Variants in KCTD18 observed in about 807,000 individuals in gnomAD.
KCTD18 encodes BTB/POZ domain-containing protein KCTD18.
A neutral mutation model predicts 30.4 loss-of-function variants in KCTD18; 22 were observed. That is an observed-to-expected ratio of 0.72 (90% CI 0.52 to 1.03). The LOEUF (loss-of-function observed/expected upper bound fraction) is 1.03. Ranked by LOEUF, KCTD18 falls within the 50% of genes least tolerant of loss-of-function variation. The pLI is 0.00. For synonymous variants in KCTD18, 186 were observed against 209.0 expected, an observed-to-expected ratio of 0.89 and a Z score of 0.95; for missense variants, 529 against 547.6, an observed-to-expected ratio of 0.97 and a Z score of 0.34.
At chr2:200,505,761 T>C (rs1413807967) in intron 2 of KCTD18, among the ~76,000 whole-genome samples, 4 of 152,130 alleles carry the variant, frequency 2.6e-5, no homozygotes, top group Admixed American at 6.5e-5. Context: ...ATTACTGGGT[T>C]AGTCCTTTTG....
intron 6 of KCTD18, among the ~76,000 whole-genome samples, 161 bp from the exon 7 acceptor site, chr2:200,490,777 G>T (rs1056525218): frequency 2.0e-5 from 3 of 152,116 alleles, no homozygotes; most frequent in Non-Finnish European, 4.4e-5. Flanking sequence ...TCCCACCAAG[G>T]TCAGTAAGCA....
In KCTD18 at chr2:200,501,749, A is replaced by G. The variant is rs1354497039; in HGVS notation, c.373-2665T>C. Among the ~76,000 whole-genome samples, 3 of 151,872 alleles carry G rather than the reference A, an allele frequency of 2.0e-5. No homozygotes were observed. In the East Asian group the frequency reaches 5.8e-4, roughly 29 times the overall value. On this transcript the variant is annotated intron_variant, in intron 3 of 6. Transcript: ENST00000359878. Reference sequence around the variant, plus strand: ...TGTGGCGATTCCTCAGGGATCTAGTATTAGAAATACCATTTGACCCAGCCA... The same window carrying G: ...TGTGGCGATTCCTCAGGGATCTAGTGTTAGAAATACCATTTGACCCAGCCA...
At chr2:200,495,568 A>C (rs901303191) in intron 5 of KCTD18, among the ~76,000 whole-genome samples, 1 of 152,208 alleles carries the variant, frequency 6.6e-6, no homozygotes, top group Non-Finnish European at 1.5e-5. Context: ...TACTCCTACC[A>C]GGAATGAATA....
At chr2:200,500,276 G>T (rs1251977306) in intron 3 of KCTD18, among the ~76,000 whole-genome samples, 2 of 147,402 alleles carry the variant, frequency 1.4e-5, no homozygotes, top group Non-Finnish European at 3.0e-5. Context: ...GGAAGTTCTG[G>T]CTAGGGCAAT....
intron 5 of KCTD18, among the ~76,000 whole-genome samples, chr2:200,493,487 G>A (rs1003590808): frequency 6.6e-6 from 1 of 152,230 alleles, no homozygotes; most frequent in Non-Finnish European, 1.5e-5. Flanking sequence ...CTGGCCACCA[G>A]CTTTGCCACT....
chr2:200,495,865 TTTTTG>T (rs2087990620), intron 5 of KCTD18: 1 of 152,166 alleles, frequency 6.6e-6, no homozygotes, highest in Non-Finnish European at 1.5e-5. Flanking sequence ...GTTTCTTGTT[TTTTTG>T]TTTTGTTTTG....
rs143113007 is a variant in KCTD18, at chr2:200,490,801, T to C, written c.765-185A>G. 1.2e-4 allele frequency among the ~76,000 whole-genome samples: 19 copies of C among 152,300 alleles called. No homozygotes were observed. The East Asian group carries it at 3.5e-3, about 28-fold the overall frequency. On this transcript the variant is annotated intron_variant, in intron 6 of 6. Transcript: ENST00000359878. ...GGTCAGTAAGCAAGTTTACAAAAGATTGGTCTTAATTTGAATACGAATTAT... is the reference window on the plus strand; with the variant it reads ...GGTCAGTAAGCAAGTTTACAAAAGACTGGTCTTAATTTGAATACGAATTAT...
Position 200,498,926 on chromosome 2 carries a change from C to CA in KCTD18, c.530dup (p.Gly179ArgfsTer10). The CA allele has an allele frequency of 6.2e-7, 1 of 1,613,912 alleles. No homozygotes were observed. The highest frequency in any genetic ancestry group is 8.5e-7 in the Non-Finnish European group (1 of 1,179,942). ...TGCCTTTGCTGTGAATTCTTCCTCCCAGCTGCTTTTCAATAGCGTCTGTTC... is the reference window on the plus strand; with the variant it reads ...TGCCTTTGCTGTGAATTCTTCCTCCCAAGCTGCTTTTCAATAGCGTCTGTTC... On this transcript the variant is annotated frameshift_variant, in exon 4 of 7. Coordinates refer to ENST00000359878, the MANE Select transcript of KCTD18 (RefSeq NM_152387.4). LOFTEE classifies it high-confidence loss of function.
chr2:200,489,003 G>C lies in KCTD18; in HGVS notation c.*1097C>G, dbSNP rs2106273194. The C allele has an allele frequency of 6.6e-6, 1 of 152,270 alleles. No individual in the cohort carries two copies. The allele number at this position is 152,270 out of a possible 1,614,324, so 9.4% of individuals were successfully genotyped here. A position where few individuals can be genotyped will look rare whatever the true frequency, so the allele number is the denominator to read the frequency against. On this transcript the variant is annotated 3_prime_UTR_variant, in exon 7 of 7. Transcript: ENST00000359878. The stretch of plus-strand genomic sequence containing the variant: ...TTGATTTTGTAAAACGTAATGTTTT[G>C]AGTATACTTACTTTACTCTTTCAAA...
intron 6 of KCTD18, among the ~76,000 whole-genome samples, chr2:200,491,549 C>T (rs1476934877): frequency 1.3e-5 from 2 of 152,140 alleles, no homozygotes; most frequent in Non-Finnish European, 2.9e-5. Context: ...ATAGTGAAAC[C>T]TTTGATGGCC....
At chr2:200,494,679 T>C (rs1460477402) in intron 5 of KCTD18, among the ~76,000 whole-genome samples, 2 of 152,222 alleles carry the variant, frequency 1.3e-5, no homozygotes, top group African/African-American at 4.8e-5. Flanking sequence ...GTTTGCTTTT[T>C]CTAAAAGTCA....
Position 200,490,293 on chromosome 2 carries a change from T to G in KCTD18, c.1088A>C (p.Lys363Thr), listed in dbSNP as rs770539750. The change falls in exon 7 of 7, where the codon AAG becomes ACG. Residue 363 changes from lysine (K) to threonine (T), a missense_variant. Lys to Thr is a moderately conservative substitution (Grantham distance 78). Coordinates refer to ENST00000359878, the MANE Select transcript of KCTD18 (RefSeq NM_152387.4). ...AGGCTTCTTGTCGGAGAGTAGCACC[T>G]TAGCTGGAGGTAAGTGCGTGCCTCC... ...ENGGTHLPPA[K>T]VLLSDKKPTP... The G allele has an allele frequency of 6.2e-7, 1 of 1,614,244 alleles. No homozygotes were observed. The highest frequency in any genetic ancestry group is 1.1e-5 in the South Asian group (1 of 91,088).
intron 3 of KCTD18, among the ~76,000 whole-genome samples, chr2:200,502,097 T>C (rs1469057383): frequency 2.2e-5 from 3 of 137,022 alleles, no homozygotes; most frequent in African/African-American, 5.6e-5. Flanking sequence ...TGAGAACACA[T>C]GGACACAGGA....
At chr2:200,505,035 T>A (rs748454677) in intron 2 of KCTD18, 76 bp from the exon 3 acceptor site, 61 of 1,048,538 alleles carry the variant, frequency 5.8e-5, no homozygotes, top group Admixed American at 8.6e-5. Flanking sequence ...AAACTAGGTC[T>A]GAGGACCTCT....
chr2:200,495,726 AG>A (rs1222695520), intron 5 of KCTD18: 1 of 150,488 alleles, frequency 6.6e-6, no homozygotes, highest in African/African-American at 2.4e-5. Context: ...TTTTTTTTGT[AG>A]TAGTGGTTGC....
intron 3 of KCTD18, 118 bp from the exon 4 acceptor site, chr2:200,499,202 AG>A (rs2088045494): frequency 2.9e-6 from 2 of 698,612 alleles, no homozygotes; most frequent in Non-Finnish European, 4.6e-6. Flanking sequence ...GGAAATAAAA[AG>A]ATTATATATT....
chr2:200,490,145 A>G lies in KCTD18; in HGVS notation c.1236T>C (p.Arg412=), dbSNP rs973507798. Reference sequence around the variant, plus strand: ...CGTTCTCAGTCCGCACTCCCAAGGCACGGGCAGCTTCGCCGGGAAGCGGCT... The same window carrying G: ...CGTTCTCAGTCCGCACTCCCAAGGCGCGGGCAGCTTCGCCGGGAAGCGGCT... ...SLKPLPGEAA[R]ALGVRTENGK... is the part of the protein sequence containing the mutation. The change falls in exon 7 of 7, where the codon CGT becomes CGC. Residue 412 remains arginine, a synonymous_variant. Coordinates refer to ENST00000359878, the MANE Select transcript of KCTD18 (RefSeq NM_152387.4). The G allele has an allele frequency of 2.5e-6, 4 of 1,607,032 alleles. No homozygotes were observed. In the African/African-American group the frequency reaches 5.3e-5, roughly 21 times the overall value.
intron 3 of KCTD18, among the ~76,000 whole-genome samples, chr2:200,503,897 C>T (rs1256741044): frequency 6.6e-6 from 1 of 152,128 alleles, no homozygotes; most frequent in Non-Finnish European, 1.5e-5. Context: ...ACATATAATA[C>T]TTTCAATAAG....
intron 3 of KCTD18, among the ~76,000 whole-genome samples, chr2:200,499,689 C>A (rs1360563498): frequency 6.6e-6 from 1 of 151,644 alleles, no homozygotes; most frequent in Non-Finnish European, 1.5e-5. Context: ...CAGCCGAATT[C>A]TACCAGAGGT....
Sources: allele counts gnomAD v4.1 joint callset (sites outside exome capture counted in the v4.1 genomes callset), GRCh38; gene constraint gnomAD v4.1.1; transcripts MANE v1.5; gene names NCBI Gene and HGNC (gene_info 2026-07-23, HGNC 2026-07-21).